The following PADI6 variants were observed in gnomAD, a reference collection of about 807,000 sequenced individuals.
PADI6 encodes inactive protein-arginine deiminase type-6.
PADI6 carries 66 observed loss-of-function variants against 78.2 expected under a neutral mutation model. The ratio of observed to expected loss-of-function variants is 0.84; its 90% CI spans 0.69 to 1.04. The LOEUF (loss-of-function observed/expected upper bound fraction) is 1.04. Among genes scored for constraint, PADI6 ranks in the 50% least tolerant of loss-of-function variants. PADI6 has a pLI of 0.00. For missense variants in PADI6, 854 were observed against 866.1 expected (o/e 0.99, Z 0.18); for synonymous variants, 397 against 346.9 (o/e 1.14, Z -1.60).
chr1:17,400,353 C>T (rs1420734905), intron 15 of PADI6, among the ~76,000 whole-genome samples: 1 of 151,634 alleles, frequency 6.6e-6, no homozygotes, highest in Non-Finnish European at 1.5e-5. Flanking sequence ...ACCAAAAATA[C>T]AAAATTAGCC....
At chr1:17,387,853 C>G (rs752249174) in intron 6 of PADI6, among the ~76,000 whole-genome samples, 2 of 152,220 alleles carry the variant, frequency 1.3e-5, no homozygotes, top group Non-Finnish European at 2.9e-5. Flanking sequence ...TGACCTAAAA[C>G]TAGGAGACAG....
At chr1:17,399,664 G>C (rs925228169) in intron 15 of PADI6, among the ~76,000 whole-genome samples, 3 of 151,272 alleles carry the variant, frequency 2.0e-5, no homozygotes, top group African/African-American at 7.3e-5. Context: ...AGGCTGAGGT[G>C]GGAAGATCAC....
chr1:17,397,491 C>T (rs1258663147), intron 14 of PADI6, among the ~76,000 whole-genome samples: 3 of 152,108 alleles, frequency 2.0e-5, no homozygotes, highest in East Asian at 3.9e-4. Flanking sequence ...CATGGCATGT[C>T]GGGACCGTTG....
At chr1:17,391,547 C>G (rs1372839416) in intron 8 of PADI6, among the ~76,000 whole-genome samples, 2 of 152,250 alleles carry the variant, frequency 1.3e-5, no homozygotes, top group African/African-American at 4.8e-5. Context: ...ATCAGCCTCA[C>G]ACACTGCTGT....
At chr1:17,396,622 CAA>C (rs148599670) in intron 13 of PADI6, among the ~76,000 whole-genome samples, 4,504 of 152,242 alleles carry the variant, frequency 0.03, 93 homozygotes, top group Non-Finnish European at 0.041. Context: ...AACCACATGA[CAA>C]AGACTATCAC....
chr1:17,393,131 G>T (rs2075205573), intron 9 of PADI6, among the ~76,000 whole-genome samples: 1 of 152,086 alleles, frequency 6.6e-6, no homozygotes, highest in African/African-American at 2.4e-5. Flanking sequence ...GGATGACAGA[G>T]CGAGACTGTC....
intron 5 of PADI6, 87 bp from the exon 6 acceptor site, chr1:17,381,880 T>TC: frequency 6.6e-7 from 1 of 1,516,206 alleles, no homozygotes; most frequent in South Asian, 1.1e-5. Context: ...CTGTTCAAAC[T>TC]CCCGGCCCCT....
intron 2 of PADI6, 89 bp downstream of exon 2, chr1:17,373,322 C>T (rs1338722906): frequency 1.6e-5 from 23 of 1,459,388 alleles, no homozygotes; most frequent in South Asian, 3.8e-5. Context: ...AGACGTGACT[C>T]GAGCCTGGGA....
At chr1:17,374,379 A>AC (rs1171956309) in intron 2 of PADI6, among the ~76,000 whole-genome samples, 1 of 151,798 alleles carries the variant, frequency 6.6e-6, no homozygotes, top group African/African-American at 2.4e-5. Context: ...TAATCCCAGC[A>AC]CTTTGGAAGG....
chr1:17,394,774 G>A (rs1045450112), intron 11 of PADI6, among the ~76,000 whole-genome samples, 177 bp from the exon 12 acceptor site: 3 of 152,146 alleles, frequency 2.0e-5, no homozygotes, highest in Non-Finnish European at 4.4e-5. Flanking sequence ...GAAACACTAG[G>A]CTCTGTTCTG....
In PADI6 at chr1:17,401,371, A is replaced by G. The variant is rs747819665; in HGVS notation, c.2018A>G (p.Asp673Gly). The change falls in exon 16 of 16, where the codon GAC (aspartate) becomes GGC (glycine). Residue 673 changes from aspartate (D) to glycine (G), a missense_variant. Asp to Gly is a moderately conservative substitution (Grantham distance 94). Coordinates refer to ENST00000619609, the MANE Select transcript of PADI6 (RefSeq NM_207421.4). ...DFDCYLTEVG[D>G]ICACANIRRV... ...GACTGTTACCTGACAGAGGTCGGAG[A>G]CATCTGTGCCTGTGCCAACATCCGC... The G allele has an allele frequency of 1.2e-6, 2 of 1,613,954 alleles. No individual in the cohort carries two copies. Among genetic ancestry groups the G allele is most frequent in the Non-Finnish European group, 1.7e-6 (2 of 1,179,912 alleles).
At chr1:17,393,333 C>G (rs999378116) in intron 9 of PADI6, among the ~76,000 whole-genome samples, 1 of 152,064 alleles carries the variant, frequency 6.6e-6, no homozygotes, top group Non-Finnish European at 1.5e-5. Context: ...TTCAAAAGAC[C>G]CCTCTGGCTA....
chr1:17,391,508 CT>C (rs2075183882), intron 8 of PADI6, among the ~76,000 whole-genome samples: 1 of 152,252 alleles, frequency 6.6e-6, no homozygotes, highest in Non-Finnish European at 1.5e-5. Context: ...GCGTGCGCCA[CT>C]GCGTCCGGCC....
intron 6 of PADI6, among the ~76,000 whole-genome samples, chr1:17,387,169 C>T (rs563738256): frequency 6.6e-6 from 1 of 152,272 alleles, no homozygotes; most frequent in Non-Finnish European, 1.5e-5. Context: ...TTGGGCTGGG[C>T]ACAGTGGCTC....
At chr1:17,397,204 G>T in intron 14 of PADI6, 63 bp downstream of exon 14, 7 of 1,577,882 alleles carry the variant, frequency 4.4e-6, no homozygotes, top group Non-Finnish European at 6.1e-6. Flanking sequence ...CTTGCAGGAA[G>T]GTTTCCACCC....
At chr1:17,400,134 G>A (rs1399863424) in intron 15 of PADI6, among the ~76,000 whole-genome samples, 8 of 151,910 alleles carry the variant, frequency 5.3e-5, no homozygotes, top group East Asian at 1.9e-4. Context: ...CTTGAGCCCC[G>A]GAGGTGGAGG....
rs187332479 is a variant in PADI6, at chr1:17,393,876, G to A, written c.1075-99G>A. 10 of 1,034,836 alleles carry A rather than the reference G, an allele frequency of 9.7e-6. No homozygotes were observed. In the Admixed American group the frequency reaches 1.8e-4, roughly 18 times the overall value. The allele number at this position is 1,034,836 out of a possible 1,614,324, so 64.1% of individuals were successfully genotyped here. ...GCTGGGTGTTGAGGGTTGAGCAGGA[G>A]TTGGCAGGAAGGAAGGGGGTTCTTA... On this transcript the variant is annotated intron_variant, in intron 9 of 15. Coordinates refer to ENST00000619609, the MANE Select transcript of PADI6 (RefSeq NM_207421.4).
At chr1:17,400,147 A>G (rs2075286754) in intron 15 of PADI6, among the ~76,000 whole-genome samples, 2 of 150,716 alleles carry the variant, frequency 1.3e-5, no homozygotes, top group African/African-American at 4.9e-5. Flanking sequence ...GGTGGAGGCT[A>G]CAATGAGCCA....
intron 8 of PADI6, among the ~76,000 whole-genome samples, chr1:17,391,194 TGTTTGTTCC>T (rs2075179561): frequency 7.3e-6 from 1 of 137,138 alleles, no homozygotes; most frequent in South Asian, 2.3e-4. Context: ...TTTGAGGACC[TGTTTGTTCC>T]GTTTGTTTAA....
Sources: allele counts gnomAD v4.1 joint callset (sites outside exome capture counted in the v4.1 genomes callset), GRCh38; gene constraint gnomAD v4.1.1; transcripts MANE v1.5; gene names NCBI Gene and HGNC (gene_info 2026-07-23, HGNC 2026-07-21).